ABCE1: variants seen among roughly 807,000 people sequenced by gnomAD.
ABCE1 encodes ATP binding cassette subfamily E member 1.
ABCE1 carries 22 observed loss-of-function variants against 83.4 expected under a neutral mutation model. The observed-to-expected ratio is 0.26, with a 90% CI of 0.19 to 0.38. The LOEUF is 0.38. Ranked by LOEUF, ABCE1 falls within the 10% of genes least tolerant of loss-of-function variation. The probability of loss-of-function intolerance (pLI) is 1.00; values close to 1 mark genes in which losing one functional copy is unlikely to be tolerated. For synonymous variants in ABCE1, 204 were observed against 233.7 expected (o/e 0.87, Z 1.16); for missense variants, 330 against 721.9 (o/e 0.46, Z 6.22).
chr4:145,121,226 T>G lies in ABCE1; in HGVS notation c.1197T>G (p.Asp399Glu), dbSNP rs1749735072. Residue 399 changes from aspartate (D) to glutamate (E), a missense_variant, in exon 12 of 18, where the codon GAT (aspartate) becomes GAG (glutamate). Coordinates refer to ENST00000296577, the MANE Select transcript of ABCE1 (RefSeq NM_002940.3). ...IRMLAGRLKP[D>E]EGGEVPVLNV... Reference sequence around the variant, plus strand: ...TGCTTGCTGGAAGACTTAAACCTGATGAAGGAGGTACATTTGTAACTGTTG... The same window carrying G: ...TGCTTGCTGGAAGACTTAAACCTGAGGAAGGAGGTACATTTGTAACTGTTG... The G allele has an allele frequency of 6.2e-7, 1 of 1,613,812 alleles. No homozygotes were observed. Among genetic ancestry groups the G allele is most frequent in the Non-Finnish European group, 8.5e-7 (1 of 1,179,842 alleles).
intron 2 of ABCE1, among the ~76,000 whole-genome samples, chr4:145,104,812 T>G (rs970914063): frequency 1.3e-5 from 2 of 151,348 alleles, no homozygotes; most frequent in Admixed American, 1.3e-4. Context: ...AATCTTATAA[T>G]TACTTTAATA....
At chr4:145,119,413 A>G (rs994879880) in intron 10 of ABCE1, among the ~76,000 whole-genome samples, 12 of 151,922 alleles carry the variant, frequency 7.9e-5, no homozygotes, top group African/African-American at 2.7e-4. Context: ...TGAAGCCATT[A>G]AAAAAATGTT....
chr4:145,102,564 A>G lies in ABCE1; in HGVS notation c.-27-1822A>G, dbSNP rs1749180044. On this transcript the variant is annotated intron_variant, in intron 1 of 17. Coordinates refer to ENST00000296577, the MANE Select transcript of ABCE1 (RefSeq NM_002940.3). ...TGATGAATTTAAAGGGAGACTAGTCAGCAGGTTTTGTGTTTTTTTTTCACC... is the reference window on the plus strand; with the variant it reads ...TGATGAATTTAAAGGGAGACTAGTCGGCAGGTTTTGTGTTTTTTTTTCACC... 2.0e-5 allele frequency among the ~76,000 whole-genome samples: 3 copies of G among 152,140 alleles called. No homozygotes were observed. In the South Asian group the frequency reaches 6.2e-4, roughly 32 times the overall value.
chr4:145,109,608 T>C (rs1311272228), intron 5 of ABCE1, among the ~76,000 whole-genome samples: 1 of 152,222 alleles, frequency 6.6e-6, no homozygotes, highest in Admixed American at 6.5e-5. Flanking sequence ...CCAACTTTAG[T>C]ACATAAAGAA....
At chr4:145,109,088 G>T (rs767343035) in intron 4 of ABCE1, 44 bp from the exon 5 acceptor site, 4 of 1,360,516 alleles carry the variant, frequency 2.9e-6, no homozygotes, top group African/African-American at 1.5e-5. Context: ...GGCTTTTTCT[G>T]TGTAAATCTG....
chr4:145,102,589 C>T (rs1274304882), intron 1 of ABCE1, among the ~76,000 whole-genome samples: 5 of 151,694 alleles, frequency 3.3e-5, no homozygotes, highest in Non-Finnish European at 7.4e-5. Context: ...TTTTTTTCAC[C>T]TACCATTTTC....
At chr4:145,114,040 G>C (rs1257638579) in intron 9 of ABCE1, among the ~76,000 whole-genome samples, 1 of 152,132 alleles carries the variant, frequency 6.6e-6, no homozygotes, top group East Asian at 1.9e-4. Flanking sequence ...CAGCTCCTTA[G>C]ATTCAAGGAG....
chr4:145,099,738 A>T (rs563966544), intron 1 of ABCE1, among the ~76,000 whole-genome samples: 21 of 152,350 alleles, frequency 1.4e-4, no homozygotes, highest in Admixed American at 1.2e-3. Flanking sequence ...ATTTCATGTG[A>T]TACTAAACAT....
intron 17 of ABCE1, among the ~76,000 whole-genome samples, chr4:145,126,799 T>C (rs1421368242): frequency 6.6e-6 from 1 of 152,230 alleles, no homozygotes; most frequent in Non-Finnish European, 1.5e-5. Context: ...CACGTCATTG[T>C]ATTCTTAAGC....
chr4:145,102,939 G>C (rs966068276), intron 1 of ABCE1, among the ~76,000 whole-genome samples: 2 of 152,142 alleles, frequency 1.3e-5, no homozygotes, highest in Non-Finnish European at 2.9e-5. Context: ...TTTGAGGAGA[G>C]GGGTTAAATG....
chr4:145,111,292 G>A (rs1007833215), intron 8 of ABCE1, among the ~76,000 whole-genome samples: 11 of 152,194 alleles, frequency 7.2e-5, no homozygotes, highest in African/African-American at 1.7e-4. Flanking sequence ...GATAGGTGCC[G>A]GAACTTTTTA....
In ABCE1 at chr4:145,123,625, A is replaced by G. The variant is rs781425350; in HGVS notation, c.1640+25A>G. On this transcript the variant is annotated intron_variant, in intron 16 of 17. Transcript: ENST00000296577. ...GGTAAAATTACTTTTTAATATGTTC[A>G]AAGTAATTCATTTTAAATTTTCCAG... 1.2e-5 allele frequency: 19 copies of G among 1,551,212 alleles called. No individual in the cohort carries two copies. The African/African-American group carries it at 2.5e-4, about 20-fold the overall frequency.
At chr4:145,105,375 A>T (rs894714356) in intron 2 of ABCE1, among the ~76,000 whole-genome samples, 2 of 152,214 alleles carry the variant, frequency 1.3e-5, no homozygotes, top group Non-Finnish European at 2.9e-5. Context: ...AATATATATT[A>T]ATTAATCATC....
intron 9 of ABCE1, among the ~76,000 whole-genome samples, chr4:145,113,547 G>A (rs964062659): frequency 1.3e-5 from 2 of 152,100 alleles, no homozygotes; most frequent in Non-Finnish European, 2.9e-5. Context: ...ATGAGGACGA[G>A]CTCAAATTGT....
chr4:145,108,140 C>T (rs970700398), intron 4 of ABCE1, 28 bp downstream of exon 4: 3 of 1,586,940 alleles, frequency 1.9e-6, no homozygotes, highest in Non-Finnish European at 1.7e-6. Context: ...GATTCCTCTT[C>T]TGTCAAGTTA....
chr4:145,099,592 G>C (rs897567628), intron 1 of ABCE1, among the ~76,000 whole-genome samples: 65 of 152,184 alleles, frequency 4.3e-4, no homozygotes, highest in African/African-American at 1.4e-3. Context: ...TGGGAGAGAG[G>C]GGGAGAAAAC....
Position 145,121,190 on chromosome 4 carries a change from A to C in ABCE1, c.1161A>C (p.Thr387=). The part of the protein sequence containing the change: ...MLGENGTGKT[T]FIRMLAGRLK... ...TGTTGCCAGGAACGGGTAAAACGAC[A>C]TTTATCAGAATGCTTGCTGGAAGAC... The change falls in exon 12 of 18, where the codon ACA becomes ACC. Residue 387 remains threonine, a synonymous_variant. Coordinates refer to ENST00000296577, the MANE Select transcript of ABCE1 (RefSeq NM_002940.3). 6.2e-7 allele frequency: 1 copy of C among 1,613,640 alleles called. No individual in the cohort carries two copies. Among genetic ancestry groups the C allele is most frequent in the Non-Finnish European group, 8.5e-7 (1 of 1,179,900 alleles).
chr4:145,104,596 T>A, intron 2 of ABCE1, 81 bp downstream of exon 2: 1 of 889,956 alleles, frequency 1.1e-6, no homozygotes, highest in Non-Finnish European at 1.6e-6. Context: ...TTACGGACAT[T>A]AACATAAACT....
Position 145,121,218 on chromosome 4 carries a change from A to C in ABCE1, c.1189A>C (p.Lys397Gln), listed in dbSNP as rs1560964554. The change falls in exon 12 of 18, where the codon AAA (lysine) becomes CAA (glutamine). Residue 397 changes from lysine (K) to glutamine (Q), a missense_variant. Physicochemically the swap from Lys to Gln is moderately conservative, Grantham distance 53 (BLOSUM62 1). Transcript: ENST00000296577. ...TFIRMLAGRL[K>Q]PDEGGEVPVL... Reference sequence around the variant, plus strand: ...TATCAGAATGCTTGCTGGAAGACTTAAACCTGATGAAGGAGGTACATTTGT... The same window carrying C: ...TATCAGAATGCTTGCTGGAAGACTTCAACCTGATGAAGGAGGTACATTTGT... 1.2e-6 allele frequency: 2 copies of C among 1,613,832 alleles called. No individual in the cohort carries two copies. The highest frequency in any genetic ancestry group is 1.7e-6 in the Non-Finnish European group (2 of 1,179,870).
Sources: allele counts gnomAD v4.1 joint callset (sites outside exome capture counted in the v4.1 genomes callset), GRCh38; gene constraint gnomAD v4.1.1; transcripts MANE v1.5; gene names NCBI Gene and HGNC (gene_info 2026-07-23, HGNC 2026-07-21).